Variants in SLC22A8 observed in about 807,000 individuals in gnomAD.
The protein encoded by SLC22A8 is solute carrier family 22 member 8.
In SLC22A8, 40 loss-of-function variants were observed where a neutral mutation model predicts 48.4. The observed-to-expected ratio is 0.83, with a 90% confidence interval of 0.64 to 1.08. The LOEUF is 1.08. SLC22A8 is among the 50% of genes least tolerant of loss of function. The pLI, the probability that SLC22A8 is intolerant of heterozygous loss-of-function variation, is 0.00. For missense variants in SLC22A8, 606 were observed against 699.0 expected (o/e 0.87, Z 1.50); for synonymous variants, 268 against 286.3 (o/e 0.94, Z 0.65).
At chr11:63,005,388 A>G (rs1433338118) in intron 2 of SLC22A8, among the ~76,000 whole-genome samples, 2 of 152,212 alleles carry the variant, frequency 1.3e-5, no homozygotes, top group African/African-American at 4.8e-5. Flanking sequence ...TCACAGGGTA[A>G]GTGGCTTGCC....
chr11:63,000,603 A>G (rs1252193513), intron 3 of SLC22A8, 117 bp downstream of exon 3: 6 of 697,190 alleles, frequency 8.6e-6, no homozygotes, highest in African/African-American at 5.3e-5. Flanking sequence ...CCACACAGCA[A>G]GAGCCATCCC....
chr11:63,000,753 A>G lies in SLC22A8; in HGVS notation c.404T>C (p.Ile135Thr). ...CAGGTCTCCAAGCACGAGCCCTCCA[A>G]TCAGTATACCTGCCATGAAGATAGA... ...AQSIFMAGILIGGLVLGDLSD... is the reference protein window; with the variant it reads ...AQSIFMAGILTGGLVLGDLSD... The change falls in exon 3 of 11, where the codon ATT (isoleucine) becomes ACT (threonine). Residue 135 changes from isoleucine (I) to threonine (T), a missense_variant. By Grantham distance (89) the Ile-to-Thr change is moderately conservative (BLOSUM62 -1). Transcript: ENST00000336232. 6.2e-7 allele frequency: 1 copy of G among 1,613,954 alleles called. No homozygotes were observed. The highest frequency in any genetic ancestry group is 1.1e-5 in the South Asian group (1 of 91,068).
chr11:63,014,580 T>C (rs566202780), intron 2 of SLC22A8, 46 bp downstream of exon 2: 1 of 1,486,020 alleles, frequency 6.7e-7, no homozygotes, highest in South Asian at 1.3e-5. Flanking sequence ...GTGCAGGGTA[T>C]GGGGGTACGT....
At chr11:63,011,197 C>A (rs535398864) in intron 2 of SLC22A8, among the ~76,000 whole-genome samples, 1 of 152,282 alleles carries the variant, frequency 6.6e-6, no homozygotes, top group East Asian at 1.9e-4. Flanking sequence ...ACTTTGACTC[C>A]CCACTCCATC....
chr11:62,997,353 T>C (rs1260457663), intron 5 of SLC22A8, among the ~76,000 whole-genome samples: 1 of 152,142 alleles, frequency 6.6e-6, no homozygotes, highest in African/African-American at 2.4e-5. Context: ...GCCTCCCAAG[T>C]AGCTGGGATT....
At chr11:63,011,294 A>T (rs143752547) in intron 2 of SLC22A8, among the ~76,000 whole-genome samples, 6 of 152,280 alleles carry the variant, frequency 3.9e-5, no homozygotes, top group African/African-American at 1.2e-4. Flanking sequence ...CTAACCTTAG[A>T]GGGTTATTGT....
At position 63,014,671 on chromosome 11, in the gene SLC22A8, C is replaced by T. The variant is rs1421591002; in HGVS notation, c.288G>A (p.Leu96=). 1 of 1,611,188 alleles carries T rather than the reference C, an allele frequency of 6.2e-7. No homozygotes were observed. The highest frequency in any genetic ancestry group is 1.1e-5 in the South Asian group (1 of 90,874). ...TGGTGCTGTTGTAGACCCAGCCATC[C>T]AGGCATGGCTCCATGGCCCTCTGGG... is the stretch of plus-strand genomic sequence containing the variant. ...NDTQRAMEPC[L]DGWVYNSTKD... Residue 96 remains leucine, a synonymous_variant, in exon 2 of 11, where the codon CTG becomes CTA. Coordinates refer to ENST00000336232, the MANE Select transcript of SLC22A8 (RefSeq NM_004254.4).
chr11:63,015,548 G>C (rs1426917139), intron 1 of SLC22A8, among the ~76,000 whole-genome samples, 181 bp downstream of exon 1: 2 of 152,246 alleles, frequency 1.3e-5, no homozygotes, highest in Non-Finnish European at 2.9e-5. Context: ...CCCAAGCTCA[G>C]AGCCTCCTGG....
intron 2 of SLC22A8, among the ~76,000 whole-genome samples, chr11:63,011,968 C>G (rs1296500966): frequency 6.6e-6 from 1 of 151,704 alleles, no homozygotes. Context: ...AAACTGCAAT[C>G]TTGACTTTTT....
At position 62,999,712 on chromosome 11, in the gene SLC22A8, T is replaced by C. The variant is rs749142126; in HGVS notation, c.568A>G (p.Ile190Val). The change falls in exon 4 of 11, where the codon ATT becomes GTT. Residue 190 changes from isoleucine to valine, a missense_variant. Ile to Val is a conservative substitution (Grantham distance 29, BLOSUM62 3). Transcript: ENST00000336232. Reference protein sequence around the residue: ...RFLCGFGISGITLSTVILNVE... With the variant: ...RFLCGFGISGVTLSTVILNVE... ...CTCAAGATGACGGTGCTCAGGGTAA[T>C]GCCTGAGATGCCAAAGCCACACAGG... is the stretch of plus-strand genomic sequence containing the variant. The C allele has an allele frequency of 6.3e-7, 1 of 1,598,074 alleles. No individual in the cohort carries two copies. Among genetic ancestry groups the C allele is most frequent in the East Asian group, 2.3e-5 (1 of 43,712 alleles).
chr11:62,997,895 G>A (rs1037585999), intron 5 of SLC22A8, among the ~76,000 whole-genome samples: 1 of 152,288 alleles, frequency 6.6e-6, no homozygotes, highest in Middle Eastern at 3.4e-3. Flanking sequence ...ATAAAAGGTC[G>A]CTCCAAGACT....
At chr11:63,009,820 C>T (rs1353395952) in intron 2 of SLC22A8, among the ~76,000 whole-genome samples, 1 of 152,152 alleles carries the variant, frequency 6.6e-6, no homozygotes, top group Non-Finnish European at 1.5e-5. Flanking sequence ...CCAAGAGGGA[C>T]CCTCCTTAAA....
Position 62,993,050 on chromosome 11 carries a change from G to T in SLC22A8, c.*187C>A. 1.7e-6 allele frequency: 1 copy of T among 593,516 alleles called. No homozygotes were observed. The highest frequency in any genetic ancestry group is 3.0e-6 in the Non-Finnish European group (1 of 333,770). 36.8% of individuals were successfully genotyped at this position (593,516 alleles called of 1,614,324 possible). A position where few individuals can be genotyped will look rare whatever the true frequency, so the allele number is the denominator to read the frequency against. On this transcript the variant is annotated 3_prime_UTR_variant, in exon 11 of 11. Coordinates refer to ENST00000336232, the MANE Select transcript of SLC22A8 (RefSeq NM_004254.4). ...GGGTTGCAGGGAGAACAAGGGCAGG[G>T]ATGGCTGAACCTTTGAACTGGCCAG...
In SLC22A8 at chr11:62,993,514, A is replaced by G. The variant is rs1207475122; in HGVS notation, c.1439T>C (p.Ile480Thr). Reference sequence around the variant, plus strand: ...AGCACTGCCCCCGAGGAGGGCGGTGATCCCGTAGATGATATTGGGGATGAA... The same window carrying G: ...AGCACTGCCCCCGAGGAGGGCGGTGGTCCCGTAGATGATATTGGGGATGAA... ...QPFIPNIIYG[I>T]TALLGGSAAL... Residue 480 changes from isoleucine to threonine, a missense_variant, in exon 10 of 11, where the codon ATC (isoleucine) becomes ACC (threonine). Ile to Thr is a moderately conservative substitution (Grantham distance 89). Transcript: ENST00000336232. 6.2e-7 allele frequency: 1 copy of G among 1,614,158 alleles called. No individual in the cohort carries two copies. Among genetic ancestry groups the G allele is most frequent in the East Asian group, 2.2e-5 (1 of 44,882 alleles).
intron 4 of SLC22A8, 137 bp from the exon 5 acceptor site, chr11:62,999,226 G>A (rs375593426): frequency 2.8e-5 from 20 of 711,186 alleles, no homozygotes; most frequent in South Asian, 2.0e-4. Flanking sequence ...CCTCCGTTGG[G>A]TCTTCCTGCT....
chr11:62,995,886 A>G (rs1262256962), intron 6 of SLC22A8, 67 bp from the exon 7 acceptor site: 3 of 1,497,318 alleles, frequency 2.0e-6, no homozygotes, highest in Middle Eastern at 1.7e-4. Context: ...AGAGAGGGAG[A>G]TGCAGGCGTG....
chr11:63,005,182 A>C (rs1401407219), intron 2 of SLC22A8, among the ~76,000 whole-genome samples: 5 of 152,244 alleles, frequency 3.3e-5, no homozygotes, highest in African/African-American at 1.2e-4. Flanking sequence ...CAGAGATTTC[A>C]TGGTTAATGA....
At position 63,000,642 on chromosome 11, in the gene SLC22A8, G is replaced by A. The variant is rs928189644; in HGVS notation, c.437+78C>T. 1.8e-4 allele frequency: 189 copies of A among 1,043,306 alleles called. 1 individual carries two copies. In the Admixed American group the frequency reaches 3.0e-3, roughly 16 times the overall value. 64.6% of individuals were successfully genotyped at this position (1,043,306 alleles called of 1,614,324 possible). ...CTCCCCCAGCTCTTTGCCTCTTTGCGGGTGCACGGGTGGAGCAGAGTAGGG... is the reference window on the plus strand; with the variant it reads ...CTCCCCCAGCTCTTTGCCTCTTTGCAGGTGCACGGGTGGAGCAGAGTAGGG... On this transcript the variant is annotated intron_variant, in intron 3 of 10. Coordinates refer to ENST00000336232, the MANE Select transcript of SLC22A8 (RefSeq NM_004254.4).
At chr11:63,009,066 G>A (rs1334553115) in intron 2 of SLC22A8, among the ~76,000 whole-genome samples, 2 of 152,152 alleles carry the variant, frequency 1.3e-5, no homozygotes, top group African/African-American at 2.4e-5. Context: ...TTGAAAAGTG[G>A]TTTGGGTGGG....
Sources: gnomAD v4.1 joint callset for allele counts (sites outside exome capture counted in the v4.1 genomes callset) on GRCh38, gnomAD v4.1.1 for gene constraint, MANE v1.5 for transcripts, NCBI Gene and HGNC (gene_info 2026-07-23, HGNC 2026-07-21) for gene names.